RCSD1: variants seen among roughly 807,000 people sequenced by gnomAD.
The protein encoded by RCSD1 is capZ-interacting protein.
A neutral mutation model predicts 42.5 loss-of-function variants in RCSD1; 26 were observed. That is an observed-to-expected ratio of 0.61 (90% CI 0.45 to 0.85). RCSD1 has a LOEUF of 0.85. RCSD1 is among the 40% of genes least tolerant of loss of function. The probability of loss-of-function intolerance (pLI) is 0.00; values close to 1 mark genes in which losing one functional copy is unlikely to be tolerated. For missense variants in RCSD1, 571 were observed against 528.3 expected, an observed-to-expected ratio of 1.08 and a Z score of -0.79; for synonymous variants, 220 against 212.2, an observed-to-expected ratio of 1.04 and a Z score of -0.32.
intron 2 of RCSD1, among the ~76,000 whole-genome samples, chr1:167,684,481 C>T (rs144827013): frequency 2.0e-5 from 3 of 149,928 alleles, no homozygotes; most frequent in African/African-American, 4.9e-5. Context: ...GAAGAGCGTC[C>T]GGTGACCAGT....
At chr1:167,640,912 C>T (rs990414463) in intron 1 of RCSD1, among the ~76,000 whole-genome samples, 2 of 152,044 alleles carry the variant, frequency 1.3e-5, no homozygotes, top group African/African-American at 4.8e-5. Flanking sequence ...AACCTGCTAT[C>T]CATATAAAGG....
chr1:167,664,759 G>A (rs1451109500), intron 1 of RCSD1: 1 of 152,238 alleles, frequency 6.6e-6, no homozygotes, highest in Non-Finnish European at 1.5e-5. Flanking sequence ...ACAAAAATTG[G>A]CCCAGTGCAG....
intron 6 of RCSD1, among the ~76,000 whole-genome samples, chr1:167,701,254 T>C (rs139481221): frequency 1.3e-5 from 1 of 78,458 alleles, no homozygotes. Context: ...ATTGCCTAGT[T>C]TCTTTCTTTC....
Position 167,630,347 on chromosome 1 carries a change from C to T in RCSD1, c.-77C>T, listed in dbSNP as rs1657663516. The stretch of plus-strand genomic sequence containing the variant: ...GCCCGAAACTGGCCACGGCCGGGAG[C>T]GGAGGGGACAGCGGGGATCGTGAGC... On this transcript the variant is annotated 5_prime_UTR_variant, in exon 1 of 7. Coordinates refer to ENST00000367854, the MANE Select transcript of RCSD1 (RefSeq NM_052862.4). The T allele has an allele frequency of 4.4e-6, 6 of 1,361,114 alleles. No individual in the cohort carries two copies. The highest frequency in any genetic ancestry group is 5.8e-6 in the Non-Finnish European group (6 of 1,040,998). 84.3% of individuals were successfully genotyped at this position (1,361,114 alleles called of 1,614,324 possible).
intron 5 of RCSD1, among the ~76,000 whole-genome samples, chr1:167,696,208 T>C (rs1659494678): frequency 6.6e-6 from 1 of 152,134 alleles, no homozygotes; most frequent in Non-Finnish European, 1.5e-5. Context: ...GCGATTCATC[T>C]TTGTCAAAGT....
chr1:167,689,280 G>A (rs1050210918), intron 3 of RCSD1, among the ~76,000 whole-genome samples: 1 of 152,022 alleles, frequency 6.6e-6, no homozygotes, highest in South Asian at 2.1e-4. Flanking sequence ...TCAGGAGTTC[G>A]AGACCAACCT....
Position 167,706,027 on chromosome 1 carries a change from A to G in RCSD1, c.*1331A>G, listed in dbSNP as rs1659749942. On this transcript the variant is annotated 3_prime_UTR_variant, in exon 7 of 7. Transcript: ENST00000367854. The stretch of plus-strand genomic sequence containing the variant: ...ACATCCTACACTGACTTCAGAAAAC[A>G]GTCTGTCAGACAAAAAGGCCTTATG... 6.6e-6 allele frequency: 1 copy of G among 152,258 alleles called. No homozygotes were observed. The highest frequency in any genetic ancestry group is 1.5e-5 in the Non-Finnish European group (1 of 68,044). 9.4% of individuals were successfully genotyped at this position (152,258 alleles called of 1,614,324 possible).
In RCSD1 at chr1:167,697,647, G is replaced by A. The variant is rs2101721782; in HGVS notation, c.1023G>A (p.Glu341=). The A allele has an allele frequency of 6.2e-7, 1 of 1,606,218 alleles. No homozygotes were observed. The highest frequency in any genetic ancestry group is 8.5e-7 in the Non-Finnish European group (1 of 1,176,424). ...HDSQETKKLE[E]GAAVKETPHS... Reference sequence around the variant, plus strand: ...GCCAAGAAACAAAGAAGCTGGAGGAGGGAGCTGCAGTGAAGGAGACCCCCC... The same window carrying A: ...GCCAAGAAACAAAGAAGCTGGAGGAAGGAGCTGCAGTGAAGGAGACCCCCC... The change falls in exon 6 of 7, where the codon GAG becomes GAA. Residue 341 remains glutamate, a synonymous_variant. Transcript: ENST00000367854.
chr1:167,683,344 T>A (rs950170431), intron 1 of RCSD1, among the ~76,000 whole-genome samples: 5 of 152,150 alleles, frequency 3.3e-5, no homozygotes, highest in Admixed American at 3.3e-4. Context: ...CCCAGGCTGG[T>A]AAGAGATGGA....
At chr1:167,679,572 G>A (rs1305646965) in intron 1 of RCSD1, among the ~76,000 whole-genome samples, 5 of 152,234 alleles carry the variant, frequency 3.3e-5, no homozygotes, top group Non-Finnish European at 7.3e-5. Flanking sequence ...CTGGAGGAGT[G>A]AAGAAGCAAA....
intron 1 of RCSD1, among the ~76,000 whole-genome samples, chr1:167,643,541 A>G (rs1298806702): frequency 3.9e-5 from 6 of 152,266 alleles, no homozygotes; most frequent in African/African-American, 1.4e-4. Context: ...AGCATAATGT[A>G]TATTCAACAC....
intron 4 of RCSD1, 148 bp from the exon 5 acceptor site, chr1:167,693,951 G>T: frequency 2.9e-6 from 2 of 688,444 alleles, no homozygotes; most frequent in Non-Finnish European, 4.9e-6. Context: ...GCCATGATGG[G>T]ACAGTGGATA....
In RCSD1 at chr1:167,706,182, C is replaced by T. The variant is rs975966227; in HGVS notation, c.*1486C>T. 6.6e-6 allele frequency: 1 copy of T among 152,036 alleles called. No individual in the cohort carries two copies. Among genetic ancestry groups the T allele is most frequent in the African/African-American group, 2.4e-5 (1 of 41,376 alleles). The allele number at this position is 152,036 out of a possible 1,614,324, so 9.4% of individuals were successfully genotyped here. A position where few individuals can be genotyped will look rare whatever the true frequency, so the allele number is the denominator to read the frequency against. On this transcript the variant is annotated 3_prime_UTR_variant, in exon 7 of 7. Transcript: ENST00000367854. Reference sequence around the variant, plus strand: ...TAAGTAGTTTGTAATTTGTAACAAACTTGTAACCTGGTTGGGACTGATATT... The same window carrying T: ...TAAGTAGTTTGTAATTTGTAACAAATTTGTAACCTGGTTGGGACTGATATT...
At chr1:167,688,274 G>A (rs955778006) in intron 3 of RCSD1, among the ~76,000 whole-genome samples, 2 of 152,132 alleles carry the variant, frequency 1.3e-5, no homozygotes, top group East Asian at 1.9e-4. Flanking sequence ...GGTCAGCTGG[G>A]GAAGAGAAGA....
chr1:167,631,005 T>G (rs1657683481), intron 1 of RCSD1, among the ~76,000 whole-genome samples: 1 of 152,180 alleles, frequency 6.6e-6, no homozygotes, highest in Non-Finnish European at 1.5e-5. Context: ...TTCTGAAAGC[T>G]CCCCTTACTG....
intron 3 of RCSD1, among the ~76,000 whole-genome samples, chr1:167,685,987 A>G (rs1659226388): frequency 6.6e-6 from 1 of 152,218 alleles, no homozygotes; most frequent in African/African-American, 2.4e-5. Flanking sequence ...GTTCAAGATC[A>G]CTGGAAGAAA....
intron 1 of RCSD1, among the ~76,000 whole-genome samples, chr1:167,669,855 G>A (rs1163298328): frequency 6.6e-6 from 1 of 152,192 alleles, no homozygotes; most frequent in African/African-American, 2.4e-5. Flanking sequence ...GGGAGACGCT[G>A]TAACAGGAGA....
intron 4 of RCSD1, among the ~76,000 whole-genome samples, chr1:167,691,010 T>C (rs2101715426): frequency 6.6e-6 from 1 of 152,246 alleles, no homozygotes; most frequent in East Asian, 1.9e-4. Context: ...TCACAGGTGA[T>C]ATAATAAAAG....
Position 167,694,124 on chromosome 1 carries a change from C to G in RCSD1, c.296C>G (p.Ala99Gly). 1 of 1,614,222 alleles carries G rather than the reference C, an allele frequency of 6.2e-7. No homozygotes were observed. The highest frequency in any genetic ancestry group is 1.3e-5 in the African/African-American group (1 of 75,052). Residue 99 changes from alanine to glycine, a missense_variant, in exon 5 of 7, where the codon GCT (alanine) becomes GGT (glycine). Physicochemically the swap from Ala to Gly is moderately conservative, Grantham distance 60. Transcript: ENST00000367854. ...GCCAATTTAACCTTTGACCCAGCTG[C>G]TCTACTGCCTGGGGCCTCACCCAAG... The part of the protein sequence containing the change: ...LQANLTFDPA[A>G]LLPGASPKSP...
Sources: gnomAD v4.1 joint callset for allele counts (sites outside exome capture counted in the v4.1 genomes callset) on GRCh38, gnomAD v4.1.1 for gene constraint, MANE v1.5 for transcripts, NCBI Gene and HGNC (gene_info 2026-07-23, HGNC 2026-07-21) for gene names.